Variants in C13orf42 observed in about 807,000 individuals in gnomAD.
The protein encoded by C13orf42 is chromosome 13 open reading frame 42.
intron 1 of C13orf42, among the ~76,000 whole-genome samples, chr13:51,149,933 C>T (rs528838437): frequency 2.0e-5 from 3 of 152,268 alleles, no homozygotes; most frequent in African/African-American, 7.2e-5. Context: ...CAAGAAATAG[C>T]ACTCTTCCCA....
At chr13:51,172,245 C>T (rs950835009) in intron 1 of C13orf42, 6 of 152,128 alleles carry the variant, frequency 3.9e-5, no homozygotes, top group African/African-American at 1.4e-4. Flanking sequence ...TCGGACTGTT[C>T]AACTCACCTG....
upstream of C13orf42, among the ~76,000 whole-genome samples, chr13:51,114,651 TAGACAGACAGACAGACAGACAGACAGAC>T (rs59801187): frequency 7.0e-6 from 1 of 142,378 alleles, no homozygotes; most frequent in African/African-American, 2.6e-5. Flanking sequence ...TAGATAGAGA[TAGACAGACAGACAGACAGACAGACAGAC>T]AGACAGACAG....
intron 1 of C13orf42, among the ~76,000 whole-genome samples, chr13:51,120,957 T>C (rs1351486357): frequency 1.3e-5 from 2 of 152,158 alleles, no homozygotes; most frequent in Non-Finnish European, 2.9e-5. Context: ...GAGGTTGCAG[T>C]GAGCTGAGAT....
chr13:51,106,137 T>C (rs1015463311), intron 1 of C13orf42, among the ~76,000 whole-genome samples: 8 of 152,188 alleles, frequency 5.3e-5, no homozygotes, highest in African/African-American at 1.9e-4. Context: ...AAAACTGGAA[T>C]CACAGGTAGC....
At chr13:51,154,474 TCA>T (rs1350643661) in intron 1 of C13orf42, among the ~76,000 whole-genome samples, 1 of 152,218 alleles carries the variant, frequency 6.6e-6, no homozygotes, top group Non-Finnish European at 1.5e-5. Flanking sequence ...TGCGTATGAA[TCA>T]CAGTGTCGGA....
intron 1 of C13orf42, among the ~76,000 whole-genome samples, chr13:51,092,024 T>C (rs1953185170): frequency 6.6e-6 from 1 of 152,178 alleles, no homozygotes; most frequent in African/African-American, 2.4e-5. Context: ...TGGCCCAAAG[T>C]ATGAGAACAT....
At chr13:51,097,252 G>T (rs1179230823) in intron 1 of C13orf42, among the ~76,000 whole-genome samples, 1 of 152,142 alleles carries the variant, frequency 6.6e-6, no homozygotes, top group Non-Finnish European at 1.5e-5. Flanking sequence ...TTTGTATTTT[G>T]CCTGTAATAC....
At chr13:51,104,362 T>TA (rs1953326233) in intron 1 of C13orf42, among the ~76,000 whole-genome samples, 1 of 152,188 alleles carries the variant, frequency 6.6e-6, no homozygotes, top group African/African-American at 2.4e-5. Context: ...CTTTTACTTT[T>TA]AAAAAAATTG....
intron 1 of C13orf42, among the ~76,000 whole-genome samples, chr13:51,142,272 C>T (rs1370997778): frequency 2.6e-5 from 4 of 152,286 alleles, no homozygotes; most frequent in East Asian, 3.9e-4. Context: ...TTCCTCCCAA[C>T]GTTAATTCAG....
At chr13:51,098,871 C>T (rs536061365) in intron 1 of C13orf42, among the ~76,000 whole-genome samples, 174 of 152,272 alleles carry the variant, frequency 1.1e-3, no homozygotes, top group African/African-American at 3.5e-3. Context: ...TTAGGAACTC[C>T]ACTTTCGATT....
intron 1 of C13orf42, among the ~76,000 whole-genome samples, chr13:51,089,212 G>A (rs942333004): frequency 6.6e-6 from 1 of 152,164 alleles, no homozygotes; most frequent in Non-Finnish European, 1.5e-5. Context: ...TGTTTATTAA[G>A]TGTATGCATT....
At chr13:51,147,257 G>A (rs7322895) in intron 1 of C13orf42, among the ~76,000 whole-genome samples, 74,854 of 151,678 alleles carry the variant, frequency 0.49, 18,641 homozygotes, top group African/African-American at 0.56. Context: ...TCCTACACAG[G>A]AGAACAGTCT....
At chr13:51,134,295 T>A (rs755270760) in intron 1 of C13orf42, among the ~76,000 whole-genome samples, 6 of 152,178 alleles carry the variant, frequency 3.9e-5, no homozygotes, top group Non-Finnish European at 8.8e-5. Context: ...ACATTTGCCC[T>A]CTTTTCTGAG....
At chr13:51,102,488 T>C (rs1425857890) in intron 1 of C13orf42, among the ~76,000 whole-genome samples, 1 of 152,194 alleles carries the variant, frequency 6.6e-6, no homozygotes, top group East Asian at 1.9e-4. Context: ...AATAAAACTA[T>C]TTTCACTAAA....
At chr13:51,101,791 G>A (rs1391255018) in intron 1 of C13orf42, among the ~76,000 whole-genome samples, 2 of 152,258 alleles carry the variant, frequency 1.3e-5, no homozygotes, top group Admixed American at 6.5e-5. Context: ...CAGACGCAGG[G>A]AGGAGGGAAA....
intron 1 of C13orf42, among the ~76,000 whole-genome samples, chr13:51,133,218 C>A (rs1270762777): frequency 6.6e-6 from 1 of 152,186 alleles, no homozygotes; most frequent in Non-Finnish European, 1.5e-5. Flanking sequence ...GATCCAAGAA[C>A]CCTCTCTTGA....
upstream of C13orf42, among the ~76,000 whole-genome samples, chr13:51,111,693 T>C (rs910961381): frequency 1.3e-5 from 2 of 152,220 alleles, no homozygotes; most frequent in African/African-American, 4.8e-5. Context: ...CTGAATTCTC[T>C]GAATCCAAAA....
intron 1 of C13orf42, among the ~76,000 whole-genome samples, chr13:51,162,576 G>A (rs530033957): frequency 8.5e-5 from 13 of 152,192 alleles, no homozygotes; most frequent in African/African-American, 2.9e-4. Context: ...AGTATCCCCG[G>A]TAATTTTTGT....
chr13:51,147,125 C>G (rs1438909570), intron 1 of C13orf42, among the ~76,000 whole-genome samples: 1 of 152,230 alleles, frequency 6.6e-6, no homozygotes, highest in African/African-American at 2.4e-5. Flanking sequence ...GACCATGTGT[C>G]CCCCTCCCAG....
Sources: gnomAD v4.1 joint callset for allele counts (sites outside exome capture counted in the v4.1 genomes callset) on GRCh38, gnomAD v4.1.1 for gene constraint, MANE v1.5 for transcripts, NCBI Gene and HGNC (gene_info 2026-07-23, HGNC 2026-07-21) for gene names.